SSH3: variants seen among roughly 807,000 people sequenced by gnomAD.
SSH3 encodes slingshot protein phosphatase 3, also known as protein phosphatase Slingshot homolog 3.
SSH3 carries 67 observed loss-of-function variants against 75.0 expected under a neutral mutation model. That is an observed-to-expected ratio of 0.89 (90% CI 0.73 to 1.10). The LOEUF is 1.10. SSH3 is among the 50% of genes least tolerant of loss of function. The pLI, the probability that SSH3 is intolerant of heterozygous loss-of-function variation, is 0.00. For synonymous variants in SSH3, 318 were observed against 349.2 expected, an observed-to-expected ratio of 0.91 and a Z score of 1.00; for missense variants, 824 against 872.7, an observed-to-expected ratio of 0.94 and a Z score of 0.70.
In SSH3 at chr11:67,311,685, C is replaced by A. The variant is rs1274239272; in HGVS notation, c.1778C>A (p.Pro593His). 2.5e-6 allele frequency: 4 copies of A among 1,614,102 alleles called. No homozygotes were observed. The highest frequency in any genetic ancestry group is 3.4e-6 in the Non-Finnish European group (4 of 1,180,022). ...TKGGQQVDRG[P>H]QPALKSRQSV... ...GGAGGCCAGCAGGTGGACAGGGGGCCTCAGCCTGCCCTGAAGTCCCGCCAG... is the reference window on the plus strand; with the variant it reads ...GGAGGCCAGCAGGTGGACAGGGGGCATCAGCCTGCCCTGAAGTCCCGCCAG... The change falls in exon 14 of 14, where the codon CCT (proline) becomes CAT (histidine). Residue 593 changes from proline to histidine, a missense_variant. Coordinates refer to ENST00000308127, the MANE Select transcript of SSH3 (RefSeq NM_017857.4).
rs1011865335 is a variant in SSH3, at chr11:67,308,872, C to T, written c.1061+414C>T. 6.6e-6 allele frequency among the ~76,000 whole-genome samples: 1 copy of T among 152,094 alleles called. No individual in the cohort carries two copies. Among genetic ancestry groups the T allele is most frequent in the African/African-American group, 2.4e-5 (1 of 41,400 alleles). On this transcript the variant is annotated intron_variant, in intron 10 of 13. Transcript: ENST00000308127. The surrounding 1 kb of genome is among the most constrained non-coding windows in gnomAD (Gnocchi z 4.9). ...AGGCCGCAGTGAGCCGTGATCACGC[C>T]ACTGCACTCCAGCCTGGGCAACAGA...
At chr11:67,311,539 C>G (rs1282343946) in intron 13 of SSH3, 52 bp from the exon 14 acceptor site, 1 of 1,605,148 alleles carries the variant, frequency 6.2e-7, no homozygotes, top group Admixed American at 1.7e-5. Context: ...TGCTTGGGCA[C>G]CCCTGCCCCA....
Position 67,304,858 on chromosome 11 carries a change from C to T in SSH3, c.190C>T (p.Pro64Ser), listed in dbSNP as rs1166044392. 1.9e-5 allele frequency: 30 copies of T among 1,613,670 alleles called. No individual in the cohort carries two copies. In the Admixed American group the frequency reaches 2.3e-4, roughly 13 times the overall value. Residue 64 changes from proline (P) to serine (S), a missense_variant, in exon 3 of 14, where the codon CCA (proline) becomes TCA (serine). Pro to Ser is a moderately conservative substitution (Grantham distance 74). Transcript: ENST00000308127. The part of the protein sequence containing the change: ...NDDAAEASSE[P>S]TEKAPSEEEL... Reference sequence around the variant, plus strand: ...TGATGCAGCAGAGGCCAGTTCTGAGCCAACAGAGAAGGCCCCGAGTGAGGA... The same window carrying T: ...TGATGCAGCAGAGGCCAGTTCTGAGTCAACAGAGAAGGCCCCGAGTGAGGA...
rs774504539 is a variant in SSH3 at position 67,307,901 on chromosome 11, T to C, written c.847T>C (p.Leu283=). 6.2e-7 allele frequency: 1 copy of C among 1,614,116 alleles called. No homozygotes were observed. Among genetic ancestry groups the C allele is most frequent in the Non-Finnish European group, 8.5e-7 (1 of 1,179,976 alleles). The stretch of plus-strand genomic sequence containing the variant: ...GATCCGTGCTGAGCTGTGGAAAGTG[T>C]TGGATGTCAGTGACCTGGAGAGTGT... ...QAIRAELWKV[L]DVSDLESVTS... Residue 283 remains leucine (L), a synonymous_variant, in exon 8 of 14, where the codon TTG becomes CTG. Coordinates refer to ENST00000308127, the MANE Select transcript of SSH3 (RefSeq NM_017857.4). This position sits in a 1 kb window ranked among gnomAD's most constrained non-coding sequence, Gnocchi z 4.2.
At position 67,306,841 on chromosome 11, in the gene SSH3, G is replaced by GCCCAGCTGGAGGCAC; in HGVS notation, c.347_361dup (p.Gln116_Pro120dup). 6.2e-7 allele frequency: 1 copy of GCCCAGCTGGAGGCAC among 1,610,306 alleles called. No homozygotes were observed. The highest frequency in any genetic ancestry group is 8.5e-7 in the Non-Finnish European group (1 of 1,177,878). On this transcript the variant is annotated inframe_insertion, in exon 4 of 14. Coordinates refer to ENST00000308127, the MANE Select transcript of SSH3 (RefSeq NM_017857.4). ...TGGGTTCCTCATCTCCCCCCAGGCA[G>GCCCAGCTGGAGGCAC]CCCAGCTGGAGGCACCCCGGCCTCC... is the stretch of plus-strand genomic sequence containing the variant.
rs549723723 is a variant in SSH3, at chr11:67,306,898, C to G, written c.400C>G (p.Arg134Gly). 35 of 1,613,626 alleles carry G rather than the reference C, an allele frequency of 2.2e-5. No homozygotes were observed. The South Asian group carries it at 3.0e-4, about 14-fold the overall frequency. ...CCGCTACCTGCTGGTAGTTTCTACACGAGAAGGAGAAGGTCTGAGCCAGGA... is the reference window on the plus strand; with the variant it reads ...CCGCTACCTGCTGGTAGTTTCTACAGGAGAAGGAGAAGGTCTGAGCCAGGA... ...RLRYLLVVST[R>G]EGEGLSQDET... Residue 134 changes from arginine to glycine, a missense_variant, in exon 4 of 14, where the codon CGA becomes GGA. Transcript: ENST00000308127.
At chr11:67,310,738 C>A (rs569318759) in intron 13 of SSH3, among the ~76,000 whole-genome samples, 1 of 152,132 alleles carries the variant, frequency 6.6e-6, no homozygotes, top group Non-Finnish European at 1.5e-5. Flanking sequence ...CAGCCTCGAT[C>A]GCGGGCAGGT....
In SSH3 at chr11:67,304,146, T is replaced by C; in HGVS notation, c.95T>C (p.Leu32Pro). ...CAGGCGGTCCAGCGAAGGAGTCGAC[T>C]CCAGCGAAGGTGAGCGCCACCTCCC... ...WDQAVQRRSR[L>P]QRRQSFAVLR... Residue 32 changes from leucine to proline, a missense_variant, in exon 2 of 14, where the codon CTC becomes CCC. Transcript: ENST00000308127. 6.3e-7 allele frequency: 1 copy of C among 1,599,820 alleles called. No homozygotes were observed. Among genetic ancestry groups the C allele is most frequent in the Admixed American group, 1.7e-5 (1 of 59,540 alleles).
At position 67,309,553 on chromosome 11, in the gene SSH3, C is replaced by T. The variant is rs1446389227; in HGVS notation, c.1208+10C>T. The T allele has an allele frequency of 1.2e-6, 2 of 1,612,228 alleles. No individual in the cohort carries two copies. Among genetic ancestry groups the T allele is most frequent in the African/African-American group, 2.7e-5 (2 of 74,944 alleles). The stretch of plus-strand genomic sequence containing the variant: ...TCATTGAGGCTGCAAGGTCGGTCTC[C>T]TGGCTTTGCTGCCTGCCCCACTGTG... On this transcript the variant is annotated intron_variant, in intron 11 of 13. Coordinates refer to ENST00000308127, the MANE Select transcript of SSH3 (RefSeq NM_017857.4).
At position 67,307,768 on chromosome 11, in the gene SSH3, A is replaced by C; in HGVS notation, c.791+31A>C. ...TGTGTGGAGGGGAGGGACTGGGTGGAGGGGAAGGCAGGATAATGCAGTGGG... is the reference window on the plus strand; with the variant it reads ...TGTGTGGAGGGGAGGGACTGGGTGGCGGGGAAGGCAGGATAATGCAGTGGG... On this transcript the variant is annotated intron_variant, in intron 7 of 13. Transcript: ENST00000308127. This position sits in a 1 kb window ranked among gnomAD's most constrained non-coding sequence, Gnocchi z 4.2. The C allele has an allele frequency of 6.2e-7, 1 of 1,613,332 alleles. No individual in the cohort carries two copies. The highest frequency in any genetic ancestry group is 8.5e-7 in the Non-Finnish European group (1 of 1,179,810).
At position 67,307,232 on chromosome 11, in the gene SSH3, C is replaced by T; in HGVS notation, c.536+119C>T. ...TTAGGCTGGGACTCTGGGGCCTGCTCCCAGCTCCACGTCAGATTCACCGTG... is the reference window on the plus strand; with the variant it reads ...TTAGGCTGGGACTCTGGGGCCTGCTTCCAGCTCCACGTCAGATTCACCGTG... On this transcript the variant is annotated intron_variant, in intron 5 of 13. Transcript: ENST00000308127. The surrounding 1 kb of genome is among the most constrained non-coding windows in gnomAD (Gnocchi z 4.2). 3 of 1,553,876 alleles carry T rather than the reference C, an allele frequency of 1.9e-6. No homozygotes were observed. Among genetic ancestry groups the T allele is most frequent in the South Asian group, 1.2e-5 (1 of 85,096 alleles).
chr11:67,307,224 G>T lies in SSH3; in HGVS notation c.536+111G>T. ...GTAGAACTTTAGGCTGGGACTCTGG[G>T]GCCTGCTCCCAGCTCCACGTCAGAT... is the stretch of plus-strand genomic sequence containing the variant. On this transcript the variant is annotated intron_variant, in intron 5 of 13. Coordinates refer to ENST00000308127, the MANE Select transcript of SSH3 (RefSeq NM_017857.4). This position sits in a 1 kb window ranked among gnomAD's most constrained non-coding sequence, Gnocchi z 4.2. 6.4e-7 allele frequency: 1 copy of T among 1,557,138 alleles called. No individual in the cohort carries two copies. The highest frequency in any genetic ancestry group is 8.7e-7 in the Non-Finnish European group (1 of 1,151,864).
At chr11:67,310,633 G>T (rs975254051) in intron 13 of SSH3, among the ~76,000 whole-genome samples, 1 of 152,326 alleles carries the variant, frequency 6.6e-6, no homozygotes, top group Admixed American at 6.5e-5. Context: ...TCCAGTGAGG[G>T]CAGGCGGAGG....
At chr11:67,310,740 C>A (rs1045179125) in intron 13 of SSH3, among the ~76,000 whole-genome samples, 5 of 152,148 alleles carry the variant, frequency 3.3e-5, no homozygotes, top group African/African-American at 1.2e-4. Context: ...GCCTCGATCG[C>A]GGGCAGGTTC....
rs1170234020 is a variant in SSH3, at chr11:67,308,475, C to T, written c.1061+17C>T. The T allele has an allele frequency of 6.4e-7, 1 of 1,567,588 alleles. No individual in the cohort carries two copies. On this transcript the variant is annotated intron_variant, in intron 10 of 13. Coordinates refer to ENST00000308127, the MANE Select transcript of SSH3 (RefSeq NM_017857.4). The surrounding 1 kb of genome is among the most constrained non-coding windows in gnomAD (Gnocchi z 4.9). ...GAGGAACAGGTAGGGCTATGAGCCC[C>T]TCGGGCCACCCACCCCATCTTCCCT...
chr11:67,304,750 A>G (rs1224521385), intron 2 of SSH3, 23 bp from the exon 3 acceptor site: 1 of 1,576,868 alleles, frequency 6.3e-7, no homozygotes. Flanking sequence ...AGGAGCCATG[A>G]CAGTTGCCCA....
rs1216097100 is a variant in SSH3, at chr11:67,307,635, G to A, written c.689G>A (p.Ser230Asn). 1.2e-6 allele frequency: 2 copies of A among 1,613,904 alleles called. No individual in the cohort carries two copies. The highest frequency in any genetic ancestry group is 1.3e-5 in the African/African-American group (1 of 74,942). ...GGTGGCAGTGCCCTCACCTGGGCCA[G>A]CCACTACCAGGAGAGACTGAACTCC... ...VPGGSALTWA[S>N]HYQERLNSEQ... Residue 230 changes from serine (S) to asparagine (N), a missense_variant, in exon 7 of 14, where the codon AGC becomes AAC. Coordinates refer to ENST00000308127, the MANE Select transcript of SSH3 (RefSeq NM_017857.4). The surrounding 1 kb of genome is among the most constrained non-coding windows in gnomAD (Gnocchi z 4.2).
chr11:67,309,352 G>A (rs758187903), intron 10 of SSH3, 45 bp from the exon 11 acceptor site: 1 of 1,610,190 alleles, frequency 6.2e-7, no homozygotes, highest in South Asian at 1.1e-5. Flanking sequence ...CAGTGGGCCT[G>A]GTACCTCTGC....
chr11:67,311,472 C>T (rs1156316785), intron 13 of SSH3, 119 bp from the exon 14 acceptor site: 3 of 1,317,098 alleles, frequency 2.3e-6, no homozygotes, highest in Non-Finnish European at 3.2e-6. Context: ...ACATTCCGGC[C>T]CTCGCCTCCT....
Sources: gnomAD v4.1 joint callset for allele counts (sites outside exome capture counted in the v4.1 genomes callset) on GRCh38, gnomAD v4.1.1 for gene constraint, Gnocchi (gnomAD v3.1) non-coding constraint, MANE v1.5 for transcripts, NCBI Gene and HGNC (gene_info 2026-07-23, HGNC 2026-07-21) for gene names.